DCDC1: variants seen among roughly 807,000 people sequenced by gnomAD.
DCDC1 encodes doublecortin domain containing 1.
In DCDC1, 200 loss-of-function variants were observed where a neutral mutation model predicts 178.3. The ratio of observed to expected loss-of-function variants is 1.12; its 90% CI spans 1.00 to 1.26. The LOEUF (loss-of-function observed/expected upper bound fraction) is 1.26, where lower values mean the gene tolerates loss of function less well. Among genes scored for constraint, DCDC1 ranks in the 50% most tolerant of loss-of-function variants. The pLI is 0.00. For missense variants in DCDC1, 1,983 were observed against 1,749.2 expected (o/e 1.13, Z -2.38); for synonymous variants, 690 against 604.8 (o/e 1.14, Z -2.07).
At chr11:31,213,691 G>C (rs1320137890) in intron 9 of DCDC1, among the ~76,000 whole-genome samples, 3 of 150,930 alleles carry the variant, frequency 2.0e-5, no homozygotes, top group Non-Finnish European at 2.9e-5. Context: ...CTGCACTCCA[G>C]CTTGGGTGAC....
At chr11:30,869,163 A>G (rs539886095) in intron 38 of DCDC1, among the ~76,000 whole-genome samples, 5 of 152,368 alleles carry the variant, frequency 3.3e-5, no homozygotes, top group South Asian at 2.1e-4. Context: ...TTTGAAAGGT[A>G]CAGTTGGCAA....
chr11:31,118,067 T>C (rs1960236908), intron 11 of DCDC1, among the ~76,000 whole-genome samples: 1 of 152,160 alleles, frequency 6.6e-6, no homozygotes. Flanking sequence ...CAGTGTTTTT[T>C]TGATGAGAAA....
chr11:31,119,777 G>A (rs1049701197), intron 11 of DCDC1, among the ~76,000 whole-genome samples: 2 of 152,238 alleles, frequency 1.3e-5, no homozygotes, highest in East Asian at 1.9e-4. Context: ...CAATGCACAG[G>A]AAAGTCACAT....
At position 31,064,492 on chromosome 11, in the gene DCDC1, T is replaced by C. The variant is rs1303735786; in HGVS notation, c.2568A>G (p.Lys856=). 4 of 765,744 alleles carry C rather than the reference T, an allele frequency of 5.2e-6. No homozygotes were observed. Among genetic ancestry groups the C allele is most frequent in the Non-Finnish European group, 9.6e-6 (4 of 417,416 alleles). The allele number at this position is 765,744 out of a possible 1,614,324, so 47.4% of individuals were successfully genotyped here. A position where few individuals can be genotyped will look rare whatever the true frequency, so the allele number is the denominator to read the frequency against. The change falls in exon 20 of 39, where the codon AAA becomes AAG. Residue 856 remains lysine (K), a synonymous_variant. Coordinates refer to ENST00000684477, the MANE Select transcript of DCDC1 (RefSeq NM_001387274.1). Reference sequence around the variant, plus strand: ...ACCTCTGAGCAGAAGCCTTAGGATGTTTCTCTTCCAGTTTCCTCACCAGTG... The same window carrying C: ...ACCTCTGAGCAGAAGCCTTAGGATGCTTCTCTTCCAGTTTCCTCACCAGTG... ...TVALVRKLEE[K]HPKASAQRWA...
At chr11:31,306,703 T>C (rs1410942006) in intron 4 of DCDC1, among the ~76,000 whole-genome samples, 1 of 151,812 alleles carries the variant, frequency 6.6e-6, no homozygotes, top group Non-Finnish European at 1.5e-5. Flanking sequence ...ATATATTATA[T>C]GCAACTAAAA....
At chr11:31,132,293 T>C (rs897647391) in intron 10 of DCDC1, among the ~76,000 whole-genome samples, 13 of 152,204 alleles carry the variant, frequency 8.5e-5, no homozygotes, top group African/African-American at 3.1e-4. Flanking sequence ...TCATAAGGTC[T>C]TTTATCCCCA....
intron 20 of DCDC1, among the ~76,000 whole-genome samples, chr11:31,011,244 T>C (rs1034281774): frequency 6.6e-6 from 1 of 152,106 alleles, no homozygotes; most frequent in Non-Finnish European, 1.5e-5. Context: ...CTAAATGCAT[T>C]AAGGCAAACT....
chr11:30,908,482 T>C, intron 29 of DCDC1, among the ~76,000 whole-genome samples: 1 of 152,090 alleles, frequency 6.6e-6, no homozygotes, highest in East Asian at 1.9e-4. Context: ...GGATAGAGTA[T>C]TAGATGGCCA....
At chr11:31,100,329 T>A (rs1958428991) in intron 15 of DCDC1, among the ~76,000 whole-genome samples, 1 of 152,248 alleles carries the variant, frequency 6.6e-6, no homozygotes, top group South Asian at 2.1e-4. Context: ...TTCAAGACTT[T>A]GCATTAGTGC....
intron 12 of DCDC1, among the ~76,000 whole-genome samples, chr11:31,109,120 T>A (rs1336363620): frequency 2.7e-5 from 2 of 72,834 alleles, no homozygotes; most frequent in African/African-American, 6.0e-5. Flanking sequence ...AATATCTTCA[T>A]TTTTTTTTTT....
intron 37 of DCDC1, among the ~76,000 whole-genome samples, chr11:30,880,214 G>A (rs931427447): frequency 6.6e-6 from 1 of 152,114 alleles, no homozygotes; most frequent in Non-Finnish European, 1.5e-5. Context: ...GTAGTGATGG[G>A]TGATGGGAAC....
intron 20 of DCDC1, among the ~76,000 whole-genome samples, chr11:30,997,685 G>T (rs1322508558): frequency 2.0e-5 from 3 of 152,114 alleles, no homozygotes; most frequent in African/African-American, 7.2e-5. Context: ...CTCGCTATCA[G>T]AGAAAAAAGT....
At chr11:30,954,110 G>T (rs1478760140) in intron 20 of DCDC1, among the ~76,000 whole-genome samples, 1 of 149,522 alleles carries the variant, frequency 6.7e-6, no homozygotes, top group Non-Finnish European at 1.5e-5. Context: ...CCGCCTCCCG[G>T]GTTCACGCCA....
chr11:30,894,192 T>G, intron 35 of DCDC1, 56 bp downstream of exon 35: 1 of 1,578,756 alleles, frequency 6.3e-7, no homozygotes, highest in Non-Finnish European at 8.6e-7. Flanking sequence ...TATTGTACTT[T>G]TAAATACTCA....
chr11:30,865,509 A>T (rs368284948), intron 38 of DCDC1, among the ~76,000 whole-genome samples, 177 bp from the exon 39 acceptor site: 2 of 152,200 alleles, frequency 1.3e-5, no homozygotes, highest in Non-Finnish European at 2.9e-5. Context: ...TTATAGAGGC[A>T]TCCCCTTCAA....
At chr11:30,889,079 AC>A (rs1192312439) in intron 36 of DCDC1, among the ~76,000 whole-genome samples, 2 of 152,136 alleles carry the variant, frequency 1.3e-5, no homozygotes, top group African/African-American at 4.8e-5. Context: ...AAGGAAGAAC[AC>A]TCTGATTTTG....
intron 16 of DCDC1, among the ~76,000 whole-genome samples, chr11:31,092,793 T>C (rs939736182): frequency 6.6e-6 from 1 of 152,198 alleles, no homozygotes. Flanking sequence ...CTAGATACCA[T>C]GTGTGACTTG....
intron 20 of DCDC1, among the ~76,000 whole-genome samples, chr11:31,055,167 A>G (rs1360030471): frequency 6.6e-6 from 1 of 152,108 alleles, no homozygotes; most frequent in African/African-American, 2.4e-5. Flanking sequence ...CCCACCAATA[A>G]GTGGGCTAAG....
At chr11:30,926,065 T>C (rs1277286210) in intron 22 of DCDC1, among the ~76,000 whole-genome samples, 1 of 152,124 alleles carries the variant, frequency 6.6e-6, no homozygotes. Context: ...GCTCCGAGTC[T>C]GGTCAGGGTA....
Sources: allele counts gnomAD v4.1 joint callset (sites outside exome capture counted in the v4.1 genomes callset), GRCh38; gene constraint gnomAD v4.1.1; transcripts MANE v1.5; gene names NCBI Gene and HGNC (gene_info 2026-07-23, HGNC 2026-07-21).